Variants in AUTS2 observed in about 807,000 individuals in gnomAD.
AUTS2 encodes the protein autism susceptibility gene 2 protein.
In AUTS2, 17 loss-of-function variants were observed where a neutral mutation model predicts 112.4. The observed-to-expected ratio is 0.15, with a 90% CI of 0.10 to 0.23. The LOEUF (loss-of-function observed/expected upper bound fraction) is 0.23. Among genes scored for constraint, AUTS2 ranks in the 10% least tolerant of loss-of-function variants. AUTS2 has a pLI of 1.00. For synonymous variants in AUTS2, 751 were observed against 702.7 expected (o/e 1.07, Z -1.09); for missense variants, 1,510 against 1,701.6 (o/e 0.89, Z 1.98).
rs961873849 is a variant in AUTS2 at position 70,044,742 on chromosome 7, G to A, written c.523-73390G>A. ...TCATGTTGATAGAGTCAGATTGACC[G>A]CTGAGAGAGAAAATACAGACTGGAA... On this transcript the variant is annotated intron_variant, in intron 2 of 18. Coordinates refer to ENST00000342771, the MANE Select transcript of AUTS2 (RefSeq NM_015570.4). 5.9e-5 allele frequency among the ~76,000 whole-genome samples: 9 copies of A among 152,106 alleles called. No individual in the cohort carries two copies. In the South Asian group the frequency reaches 1.5e-3, roughly 25 times the overall value.
Position 70,652,021 on chromosome 7 carries a change from T to C in AUTS2, c.691-46548T>C, listed in dbSNP as rs535497384. On this transcript the variant is annotated intron_variant, in intron 5 of 18. Coordinates refer to ENST00000342771, the MANE Select transcript of AUTS2 (RefSeq NM_015570.4). ...CACCGGATTATGATCACATCATACA[T>C]TGCACACGCCGTCACGGTTGCACGT... Among the ~76,000 whole-genome samples, 12 of 152,298 alleles carry C rather than the reference T, an allele frequency of 7.9e-5. No homozygotes were observed. The East Asian group carries it at 2.3e-3, about 29-fold the overall frequency.
chr7:69,776,135 C>CTG (rs1788885188), intron 1 of AUTS2, among the ~76,000 whole-genome samples: 2 of 152,140 alleles, frequency 1.3e-5, no homozygotes, highest in Admixed American at 6.6e-5. Flanking sequence ...GGGGGTCAGG[C>CTG]ACAGTTATAG....
intron 4 of AUTS2, among the ~76,000 whole-genome samples, chr7:70,395,874 A>G (rs1295301251): frequency 6.6e-6 from 1 of 152,202 alleles, no homozygotes; most frequent in Non-Finnish European, 1.5e-5. Context: ...AGGTAATTCC[A>G]AGATATGTTT....
intron 2 of AUTS2, among the ~76,000 whole-genome samples, chr7:70,007,349 A>G (rs1395743262): frequency 2.0e-5 from 3 of 152,238 alleles, no homozygotes; most frequent in Non-Finnish European, 2.9e-5. Context: ...TACAGAAAAT[A>G]CAAAGTCATC....
At chr7:70,673,544 A>T (rs1338709162) in intron 5 of AUTS2, among the ~76,000 whole-genome samples, 1 of 151,346 alleles carries the variant, frequency 6.6e-6, no homozygotes, top group Non-Finnish European at 1.5e-5. Flanking sequence ...TTTTTATTTT[A>T]TTTTATTTTT....
At chr7:70,031,899 A>C (rs577537251) in intron 2 of AUTS2, among the ~76,000 whole-genome samples, 56 of 152,214 alleles carry the variant, frequency 3.7e-4, no homozygotes, top group Non-Finnish European at 4.4e-5. Context: ...GAAATTCACC[A>C]CTTCCACTAC....
At chr7:69,911,330 G>A (rs1795348541) in intron 2 of AUTS2, among the ~76,000 whole-genome samples, 1 of 152,130 alleles carries the variant, frequency 6.6e-6, no homozygotes. Context: ...CCCCAAAGAG[G>A]GTGTCACAGC....
chr7:70,751,980 C>T (rs1788892162), intron 6 of AUTS2, among the ~76,000 whole-genome samples: 1 of 152,036 alleles, frequency 6.6e-6, no homozygotes, highest in African/African-American at 2.4e-5. Context: ...TGGCCTTGGC[C>T]TCCCAAAGTT....
chr7:69,658,309 G>A (rs1006864451), intron 1 of AUTS2, among the ~76,000 whole-genome samples: 2 of 152,128 alleles, frequency 1.3e-5, no homozygotes, highest in Non-Finnish European at 2.9e-5. Context: ...AATGCTTATT[G>A]TTTGAATTAT....
At chr7:70,480,447 A>G (rs1242388945) in intron 5 of AUTS2, among the ~76,000 whole-genome samples, 2 of 152,238 alleles carry the variant, frequency 1.3e-5, no homozygotes, top group Non-Finnish European at 2.9e-5. Context: ...GAAGAGTCAC[A>G]GAACAGAGCA....
At chr7:70,009,494 C>T (rs1278909591) in intron 2 of AUTS2, among the ~76,000 whole-genome samples, 1 of 152,172 alleles carries the variant, frequency 6.6e-6, no homozygotes, top group Admixed American at 6.5e-5. Context: ...ATTCTTTTGC[C>T]ATTGCAGCAA....
chr7:70,714,959 A>G (rs1235132827), intron 6 of AUTS2, among the ~76,000 whole-genome samples: 1 of 152,196 alleles, frequency 6.6e-6, no homozygotes, highest in Non-Finnish European at 1.5e-5. Flanking sequence ...TCAAGCTTTT[A>G]TCTCATGGTC....
chr7:69,876,349 A>AAAATATATATAT (rs1554396465), intron 1 of AUTS2, among the ~76,000 whole-genome samples: 1 of 29,492 alleles, frequency 3.4e-5, no homozygotes, highest in African/African-American at 1.5e-4. Context: ...AAAAAAAAAA[A>AAAATATATATAT]ATATATATAT....
At chr7:70,050,974 G>A (rs961900184) in intron 2 of AUTS2, among the ~76,000 whole-genome samples, 1 of 152,252 alleles carries the variant, frequency 6.6e-6, no homozygotes, top group Admixed American at 6.5e-5. Context: ...CAGCCTGGGC[G>A]ACAGAGCGAG....
intron 4 of AUTS2, among the ~76,000 whole-genome samples, chr7:70,285,289 G>A (rs1372662848): frequency 6.6e-6 from 1 of 152,120 alleles, no homozygotes; most frequent in Non-Finnish European, 1.5e-5. Flanking sequence ...TTCCAACTTG[G>A]TATTTATAAA....
At chr7:69,660,070 CCTT>C (rs1795725631) in intron 1 of AUTS2, among the ~76,000 whole-genome samples, 1 of 152,210 alleles carries the variant, frequency 6.6e-6, no homozygotes, top group African/African-American at 2.4e-5. Context: ...TGTGCCCCAT[CCTT>C]CTGCCCTGGC....
chr7:70,658,666 AAAC>A (rs1408309128), intron 5 of AUTS2, among the ~76,000 whole-genome samples: 6 of 152,220 alleles, frequency 3.9e-5, no homozygotes, highest in Admixed American at 1.3e-4. Flanking sequence ...AAAGAATTGC[AAAC>A]AACAGCCCAG....
chr7:70,638,571 A>G (rs1383108674), intron 5 of AUTS2, among the ~76,000 whole-genome samples: 3 of 151,990 alleles, frequency 2.0e-5, no homozygotes, highest in Non-Finnish European at 4.4e-5. Flanking sequence ...CTTATTTTGT[A>G]GTTAACCTCC....
chr7:70,441,134 A>G (rs1333881620), intron 5 of AUTS2, among the ~76,000 whole-genome samples: 1 of 152,216 alleles, frequency 6.6e-6, no homozygotes, highest in East Asian at 1.9e-4. Flanking sequence ...CAGTACACAC[A>G]TACACAATCT....
Sources: gnomAD v4.1 joint callset for allele counts (sites outside exome capture counted in the v4.1 genomes callset) on GRCh38, gnomAD v4.1.1 for gene constraint, MANE v1.5 for transcripts, NCBI Gene and HGNC (gene_info 2026-07-23, HGNC 2026-07-21) for gene names.